NKAIN2: variants seen among roughly 807,000 people sequenced by gnomAD.
The protein encoded by NKAIN2 is sodium/potassium transporting ATPase interacting 2, also known as sodium/potassium-transporting ATPase subunit beta-1-interacting protein 2.
NKAIN2 carries 14 observed loss-of-function variants against 32.6 expected under a neutral mutation model. That is an observed-to-expected ratio of 0.43 (90% confidence interval 0.28 to 0.67). The LOEUF (loss-of-function observed/expected upper bound fraction) is 0.67. NKAIN2 is among the 30% of genes least tolerant of loss of function. The pLI, the probability that NKAIN2 is intolerant of heterozygous loss-of-function variation, is 0.17. For synonymous variants in NKAIN2, 80 were observed against 87.2 expected (o/e 0.92, Z 0.46); for missense variants, 198 against 258.3 (o/e 0.77, Z 1.60).
intron 1 of NKAIN2, among the ~76,000 whole-genome samples, chr6:124,075,267 A>G (rs997275566): frequency 2.0e-5 from 3 of 152,310 alleles, no homozygotes; most frequent in African/African-American, 7.2e-5. Context: ...TAGACTTGCC[A>G]TTGAAAAGTT....
At chr6:124,504,183 T>TA (rs777608307) in intron 3 of NKAIN2, among the ~76,000 whole-genome samples, 6 of 152,136 alleles carry the variant, frequency 3.9e-5, no homozygotes, top group Admixed American at 6.5e-5. Flanking sequence ...TAGCAGTCAC[T>TA]ACCAGTTTCT....
intron 3 of NKAIN2, among the ~76,000 whole-genome samples, chr6:124,564,602 C>T (rs1057285620): frequency 3.3e-5 from 5 of 152,160 alleles, no homozygotes; most frequent in Non-Finnish European, 7.3e-5. Context: ...GTGTCCTTGC[C>T]ACTTTTAAGA....
chr6:124,417,116 AGAT>A (rs1774524376), intron 3 of NKAIN2, among the ~76,000 whole-genome samples: 1 of 152,228 alleles, frequency 6.6e-6, no homozygotes, highest in African/African-American at 2.4e-5. Flanking sequence ...GTATGAGAAA[AGAT>A]GATAAATAGA....
intron 1 of NKAIN2, among the ~76,000 whole-genome samples, chr6:124,147,473 A>G (rs1250519590): frequency 2.0e-5 from 3 of 152,212 alleles, no homozygotes; most frequent in African/African-American, 7.2e-5. Context: ...ATTTCTGCCT[A>G]GAACAAAAGA....
chr6:124,292,017 A>G (rs1474351350), intron 2 of NKAIN2, among the ~76,000 whole-genome samples: 1 of 152,136 alleles, frequency 6.6e-6, no homozygotes, highest in Non-Finnish European at 1.5e-5. Flanking sequence ...ATGATTCTTG[A>G]TGCTTTTCAA....
At chr6:124,616,437 C>CTTTTTTTTTTTTTTTTTTTT (rs79406895) in intron 3 of NKAIN2, among the ~76,000 whole-genome samples, 3 of 70,462 alleles carry the variant, frequency 4.3e-5, no homozygotes, top group Middle Eastern at 0.011. Context: ...TCTTTTCTTT[C>CTTTTTTTTTTTTTTTTTTTT]TTTTTTTTTT....
chr6:124,233,338 T>C (rs939229655), intron 1 of NKAIN2, among the ~76,000 whole-genome samples: 1 of 152,220 alleles, frequency 6.6e-6, no homozygotes, highest in Non-Finnish European at 1.5e-5. Context: ...TGAAATGCAA[T>C]TGGCTGTCGC....
intron 3 of NKAIN2, among the ~76,000 whole-genome samples, chr6:124,429,514 C>T (rs754613389): frequency 2.0e-5 from 3 of 152,198 alleles, no homozygotes; most frequent in Non-Finnish European, 4.4e-5. Context: ...GTTCTATCAA[C>T]ATCAGTGTGG....
At chr6:123,846,907 C>G (rs1775118281) in intron 1 of NKAIN2, among the ~76,000 whole-genome samples, 1 of 152,158 alleles carries the variant, frequency 6.6e-6, no homozygotes, top group Admixed American at 6.5e-5. Context: ...AATATCCACT[C>G]TATTCCAGGC....
intron 3 of NKAIN2, among the ~76,000 whole-genome samples, chr6:124,601,980 G>A: frequency 6.6e-6 from 1 of 151,920 alleles, no homozygotes; most frequent in East Asian, 1.9e-4. Flanking sequence ...CTTGGATATT[G>A]ATGTTAATCT....
chr6:124,584,961 C>T (rs1203068762), intron 3 of NKAIN2, among the ~76,000 whole-genome samples: 1 of 152,148 alleles, frequency 6.6e-6, no homozygotes, highest in Non-Finnish European at 1.5e-5. Flanking sequence ...TATGTATATA[C>T]CCCCTCCCCT....
chr6:124,578,058 G>A (rs1781395494), intron 3 of NKAIN2, among the ~76,000 whole-genome samples: 1 of 151,962 alleles, frequency 6.6e-6, no homozygotes, highest in Non-Finnish European at 1.5e-5. Context: ...GTCAACAGTG[G>A]TAGCCAGGAA....
At chr6:124,544,407 C>A (rs1418642976) in intron 3 of NKAIN2, among the ~76,000 whole-genome samples, 1 of 137,956 alleles carries the variant, frequency 7.2e-6, no homozygotes, top group Non-Finnish European at 1.6e-5. Flanking sequence ...AGCTCTCCAC[C>A]TTACCAGCAT....
At chr6:123,908,302 G>A (rs377446069) in intron 1 of NKAIN2, among the ~76,000 whole-genome samples, 1 of 152,090 alleles carries the variant, frequency 6.6e-6, no homozygotes, top group Non-Finnish European at 1.5e-5. Flanking sequence ...CTAGAAGTCT[G>A]CTTCAGAATG....
chr6:124,473,692 G>A (rs1451842853), intron 3 of NKAIN2, among the ~76,000 whole-genome samples: 1 of 152,108 alleles, frequency 6.6e-6, no homozygotes, highest in African/African-American at 2.4e-5. Flanking sequence ...TAAGGAATTA[G>A]ATGGCTCTTC....
intron 3 of NKAIN2, among the ~76,000 whole-genome samples, chr6:124,501,751 C>T (rs1778300539): frequency 6.6e-6 from 1 of 152,120 alleles, no homozygotes; most frequent in South Asian, 2.1e-4. Context: ...TGTCTCATCG[C>T]TCCCTTTCCC....
chr6:124,791,955 T>C (rs1779764113), intron 5 of NKAIN2, among the ~76,000 whole-genome samples: 2 of 152,124 alleles, frequency 1.3e-5, no homozygotes, highest in South Asian at 4.1e-4. Flanking sequence ...GTCTCAACAT[T>C]GAGACATATT....
intron 1 of NKAIN2, among the ~76,000 whole-genome samples, chr6:124,207,788 A>C (rs1329693228): frequency 6.6e-6 from 1 of 152,000 alleles, no homozygotes; most frequent in Non-Finnish European, 1.5e-5. Flanking sequence ...CAGTAAAGTC[A>C]ATAAATATTC....
chr6:124,319,361 A>G (rs965722165), intron 2 of NKAIN2, among the ~76,000 whole-genome samples: 1 of 152,126 alleles, frequency 6.6e-6, no homozygotes, highest in African/African-American at 2.4e-5. Flanking sequence ...GTTGTTCTCC[A>G]AAGACATAGG....
Sources: gnomAD v4.1 joint callset for allele counts (sites outside exome capture counted in the v4.1 genomes callset) on GRCh38, gnomAD v4.1.1 for gene constraint, MANE v1.5 for transcripts, NCBI Gene and HGNC (gene_info 2026-07-23, HGNC 2026-07-21) for gene names.